HERC1: variants seen among roughly 807,000 people sequenced by gnomAD.
HERC1 encodes HECT and RLD domain containing E3 ubiquitin protein ligase family member 1.
HERC1 carries 160 observed loss-of-function variants against 554.3 expected under a neutral mutation model. That is an observed-to-expected ratio of 0.29 (90% CI 0.25 to 0.33). HERC1 has a LOEUF of 0.33. HERC1 is among the 10% of genes least tolerant of loss of function. The pLI, the probability that HERC1 is intolerant of heterozygous loss-of-function variation, is 1.00. For synonymous variants in HERC1, 2,175 were observed against 2,131.7 expected, an observed-to-expected ratio of 1.02 and a Z score of -0.56; for missense variants, 4,919 against 5,918.5, an observed-to-expected ratio of 0.83 and a Z score of 5.54.
rs117062127 is a variant in HERC1, at chr15:63,665,825, C to T, written c.8555+94G>A. 1,671 of 872,494 alleles carry T rather than the reference C, an allele frequency of 1.9e-3. 36 individuals are homozygous for T. The East Asian group carries it at 0.036, about 19-fold the overall frequency. 54.0% of individuals were successfully genotyped at this position (872,494 alleles called of 1,614,324 possible). ...CATATAACTATATTTATCAACTTTA[C>T]ATACAATTAGAAGCATTTATGACGG... is the stretch of plus-strand genomic sequence containing the variant. On this transcript the variant is annotated intron_variant, in intron 42 of 77. Coordinates refer to ENST00000443617, the MANE Select transcript of HERC1 (RefSeq NM_003922.4).
chr15:63,640,087 G>A, intron 61 of HERC1, 65 bp downstream of exon 61: 2 of 1,468,412 alleles, frequency 1.4e-6, no homozygotes, highest in Non-Finnish European at 1.9e-6. Flanking sequence ...TTAGGGGTCT[G>A]CTACATGCCC....
At chr15:63,682,245 T>A (rs1028673909) in intron 34 of HERC1, among the ~76,000 whole-genome samples, 2 of 152,136 alleles carry the variant, frequency 1.3e-5, no homozygotes, top group South Asian at 4.1e-4. Context: ...ATAAATCCAA[T>A]CACAAGAGAG....
Position 63,718,645 on chromosome 15 carries a change from C to G in HERC1, c.3907G>C (p.Val1303Leu). 1 of 1,597,738 alleles carries G rather than the reference C, an allele frequency of 6.3e-7. No homozygotes were observed. Among genetic ancestry groups the G allele is most frequent in the Middle Eastern group, 1.7e-4 (1 of 6,042 alleles). The change falls in exon 21 of 78, where the codon GTT (valine) becomes CTT (leucine). Residue 1303 changes from valine to leucine, a missense_variant. This residue lies in a region of HERC1 where 1,121 missense variants were observed against 1,244.0 expected (regional missense o/e 0.90). Transcript: ENST00000443617. The surrounding 1 kb of genome is among the most constrained non-coding windows in gnomAD (Gnocchi z 4.2). Reference protein sequence around the residue: ...LSEVYRCVYKVRSRLLACKNL... With the variant: ...LSEVYRCVYKLRSRLLACKNL... Reference sequence around the variant, plus strand: ...TTGCAAGCAAGTAAACGACTTCGAACTTTGTATACACAACGGTACACTTCT... The same window carrying G: ...TTGCAAGCAAGTAAACGACTTCGAAGTTTGTATACACAACGGTACACTTCT...
intron 51 of HERC1, among the ~76,000 whole-genome samples, chr15:63,653,568 G>A (rs2069829053): frequency 6.6e-6 from 1 of 152,112 alleles, no homozygotes. Flanking sequence ...GTGGGTGATT[G>A]GTTCCATGAT....
intron 12 of HERC1, among the ~76,000 whole-genome samples, chr15:63,744,110 CTGTGTGTGTGTGTGTGTGTG>C (rs142936354): frequency 3.2e-5 from 3 of 93,358 alleles, no homozygotes; most frequent in African/African-American, 1.4e-4. Context: ...CCCAAACAGA[CTGTGTGTGTGTGTGTGTGTG>C]TGTGTGTGTG....
chr15:63,618,840 G>A (rs1211789941), intron 74 of HERC1, among the ~76,000 whole-genome samples: 4 of 152,196 alleles, frequency 2.6e-5, no homozygotes, highest in Non-Finnish European at 5.9e-5. Context: ...TTTGCACATT[G>A]ATTTTGTATC....
intron 26 of HERC1, among the ~76,000 whole-genome samples, chr15:63,696,929 TC>T (rs1440004880): frequency 7.0e-6 from 1 of 143,588 alleles, no homozygotes; most frequent in Non-Finnish European, 1.5e-5. Context: ...TTATCCTTCT[TC>T]TTTAAAAAAA....
intron 1 of HERC1, among the ~76,000 whole-genome samples, chr15:63,821,088 C>G (rs1368635308): frequency 1.3e-5 from 2 of 152,172 alleles, no homozygotes; most frequent in Non-Finnish European, 2.9e-5. Context: ...GAATTCACAG[C>G]ATTGTTTAAC....
Position 63,662,981 on chromosome 15 carries a change from C to T in HERC1, c.8901+3G>A. ...GAGCAGCCCCCGCTGCAGTCACACA[C>T]ACCCAGGTAGGCCAATCCAGTACCT... On this transcript the variant is annotated splice_donor_region_variant and intron_variant, in intron 44 of 77. Transcript: ENST00000443617. 1.2e-6 allele frequency: 2 copies of T among 1,612,060 alleles called. No homozygotes were observed. Among genetic ancestry groups the T allele is most frequent in the Non-Finnish European group, 1.7e-6 (2 of 1,178,154 alleles).
rs1306402455 is a variant in HERC1, at chr15:63,682,169, T to C, written c.6226-1393A>G. Among the ~76,000 whole-genome samples, 7 of 152,236 alleles carry C rather than the reference T, an allele frequency of 4.6e-5. No individual in the cohort carries two copies. The East Asian group carries it at 9.6e-4, about 21-fold the overall frequency. On this transcript the variant is annotated intron_variant, in intron 34 of 77. Coordinates refer to ENST00000443617, the MANE Select transcript of HERC1 (RefSeq NM_003922.4). Reference sequence around the variant, plus strand: ...ACCTAGGTGGCTATGGAGTTACACATAGTATGAAACAGAAGGTGGACTGCT... The same window carrying C: ...ACCTAGGTGGCTATGGAGTTACACACAGTATGAAACAGAAGGTGGACTGCT...
intron 12 of HERC1, among the ~76,000 whole-genome samples, chr15:63,740,573 C>T (rs2074754129): frequency 6.6e-6 from 1 of 152,224 alleles, no homozygotes; most frequent in African/African-American, 2.4e-5. Flanking sequence ...TCTCCACCTC[C>T]TCCAATGTTT....
intron 34 of HERC1, among the ~76,000 whole-genome samples, chr15:63,681,826 G>A (rs974475809): frequency 3.3e-5 from 5 of 152,302 alleles, no homozygotes; most frequent in Non-Finnish European, 7.4e-5. Context: ...GGGAAAGCTT[G>A]TGCACTTGTG....
chr15:63,616,775 G>C, intron 74 of HERC1, 93 bp from the exon 75 acceptor site: 1 of 1,131,256 alleles, frequency 8.8e-7, no homozygotes, highest in South Asian at 1.4e-5. Context: ...GTCTATACCT[G>C]TACTGTTCAA....
intron 25 of HERC1, among the ~76,000 whole-genome samples, chr15:63,703,050 C>T (rs1171813465): frequency 6.9e-6 from 1 of 144,348 alleles, no homozygotes; most frequent in Non-Finnish European, 1.5e-5. Flanking sequence ...GAGGAGGTTG[C>T]AGTAAGCCGT....
intron 1 of HERC1, among the ~76,000 whole-genome samples, chr15:63,797,924 A>C (rs2076861262): frequency 1.3e-5 from 2 of 152,234 alleles, no homozygotes; most frequent in Non-Finnish European, 2.9e-5. Flanking sequence ...CAGGATGTGA[A>C]TATAAGTCCC....
chr15:63,756,789 T>C lies in HERC1; in HGVS notation c.1222-41A>G. 7.8e-7 allele frequency: 1 copy of C among 1,282,762 alleles called. No homozygotes were observed. Among genetic ancestry groups the C allele is most frequent in the Non-Finnish European group, 1.1e-6 (1 of 943,004 alleles). The allele number at this position is 1,282,762 out of a possible 1,614,324, so 79.5% of individuals were successfully genotyped here. On this transcript the variant is annotated intron_variant, in intron 4 of 77. Transcript: ENST00000443617. The surrounding 1 kb of genome is among the most constrained non-coding windows in gnomAD (Gnocchi z 5.0). ...CATAAATATAAAATACTTCTGTGAG[T>C]ATCAAAGTATAATATTTAAGGCTGG...
At chr15:63,641,697 G>A in intron 59 of HERC1, 54 bp from the exon 60 acceptor site, 1 of 1,406,400 alleles carries the variant, frequency 7.1e-7, no homozygotes, top group South Asian at 1.4e-5. Flanking sequence ...AAAAAATAAT[G>A]CTATCACCAT....
intron 38 of HERC1, among the ~76,000 whole-genome samples, chr15:63,673,779 C>A (rs1440052252): frequency 6.6e-6 from 1 of 152,248 alleles, no homozygotes; most frequent in Non-Finnish European, 1.5e-5. Context: ...GGCTTGAGTG[C>A]AGTGGCACAA....
Position 63,689,692 on chromosome 15 carries a change from T to C in HERC1, c.5945A>G (p.Glu1982Gly). The change falls in exon 33 of 78, where the codon GAG becomes GGG. Residue 1982 changes from glutamate to glycine, a missense_variant. Physicochemically the swap from Glu to Gly is moderately conservative, Grantham distance 98. Around this residue, in one of 11 missense-constraint regions of HERC1, gnomAD observed 1,121 missense variants for 1,244.0 expected, o/e 0.90. Coordinates refer to ENST00000443617, the MANE Select transcript of HERC1 (RefSeq NM_003922.4). ...ATCAGAGAGAAGGGAAAATAAGCGC[T>C]CAACAATCTGTTTTATTGAAGAAAA... ...VEDDQMAQIV[E>G]RLFSLLSDCM... 14 of 1,556,432 alleles carry C rather than the reference T, an allele frequency of 9.0e-6. No individual in the cohort carries two copies. Among genetic ancestry groups the C allele is most frequent in the Non-Finnish European group, 1.2e-5 (14 of 1,147,224 alleles).
Sources: gnomAD v4.1 joint callset for allele counts (sites outside exome capture counted in the v4.1 genomes callset) on GRCh38, gnomAD v4.1.1 for gene constraint, gnomAD v4.1.1 regional missense constraint, Gnocchi (gnomAD v3.1) non-coding constraint, MANE v1.5 for transcripts, NCBI Gene and HGNC (gene_info 2026-07-23, HGNC 2026-07-21) for gene names.